The following LGR5 variants were observed in gnomAD, a reference collection of about 807,000 sequenced individuals.
LGR5 encodes the protein leucine-rich repeat-containing G protein-coupled receptor 5.
In LGR5, 54 loss-of-function variants were observed where a neutral mutation model predicts 76.7. The ratio of observed to expected loss-of-function variants is 0.70; its 90% CI spans 0.57 to 0.88. The LOEUF is 0.88. LGR5 is among the 40% of genes least tolerant of loss of function. LGR5 has a pLI of 0.00. For missense variants in LGR5, 1,078 were observed against 1,073.3 expected, an observed-to-expected ratio of 1.00 and a Z score of -0.06; for synonymous variants, 406 against 421.9, an observed-to-expected ratio of 0.96 and a Z score of 0.46.
chr12:71,496,290 G>C (rs773199850), intron 1 of LGR5, among the ~76,000 whole-genome samples: 2 of 145,650 alleles, frequency 1.4e-5, no homozygotes, highest in Non-Finnish European at 3.0e-5. Context: ...AGAATCACTT[G>C]AACCCAGGAG....
At chr12:71,517,979 C>T (rs1185609849) in intron 2 of LGR5, among the ~76,000 whole-genome samples, 1 of 152,084 alleles carries the variant, frequency 6.6e-6, no homozygotes, top group Non-Finnish European at 1.5e-5. Flanking sequence ...CACTTCATGC[C>T]ACCTCTGCCA....
chr12:71,479,095 T>C (rs34732813), intron 1 of LGR5, among the ~76,000 whole-genome samples: 17,142 of 152,266 alleles, frequency 0.11, 1,098 homozygotes, highest in African/African-American at 0.16. Flanking sequence ...TCTACATCTT[T>C]TACATTCAAC....
chr12:71,511,369 C>G (rs1875147444), intron 2 of LGR5, among the ~76,000 whole-genome samples: 1 of 152,074 alleles, frequency 6.6e-6, no homozygotes. Context: ...TTCATGTGCC[C>G]CCACCCCAAC....
chr12:71,439,498 T>A (rs1304299550), upstream of LGR5, among the ~76,000 whole-genome samples: 1 of 152,010 alleles, frequency 6.6e-6, no homozygotes, highest in Non-Finnish European at 1.5e-5. Context: ...GACTCTTAGA[T>A]CTGGGTCTCC....
chr12:71,440,393 G>A lies in LGR5; in HGVS notation c.212+101G>A, dbSNP rs951201050. The A allele has an allele frequency of 2.6e-6, 3 of 1,160,330 alleles. No homozygotes were observed. Among genetic ancestry groups the A allele is most frequent in the Non-Finnish European group, 3.8e-6 (3 of 798,944 alleles). 71.9% of individuals were successfully genotyped at this position (1,160,330 alleles called of 1,614,324 possible). On this transcript the variant is annotated intron_variant, in intron 1 of 17. Transcript: ENST00000266674. The surrounding 1 kb of genome is among the most constrained non-coding windows in gnomAD (Gnocchi z 5.3). ...CTCCTCGGCGCCCGCCTGCTCGTGGGGGAGGGGGGCGAGTTTGTCAAGGGC... is the reference window on the plus strand; with the variant it reads ...CTCCTCGGCGCCCGCCTGCTCGTGGAGGAGGGGGGCGAGTTTGTCAAGGGC...
intron 1 of LGR5, among the ~76,000 whole-genome samples, chr12:71,481,561 G>C (rs1465157967): frequency 6.6e-6 from 1 of 152,132 alleles, no homozygotes; most frequent in East Asian, 1.9e-4. Context: ...AAACATATGT[G>C]TGCGTGTGTC....
intron 8 of LGR5, among the ~76,000 whole-genome samples, chr12:71,562,070 C>CAGA (rs1878087619): frequency 6.6e-6 from 1 of 152,108 alleles, no homozygotes; most frequent in South Asian, 2.1e-4. Context: ...TTGGTATCTC[C>CAGA]AGATGTGCTA....
chr12:71,502,807 G>A (rs1030695881), intron 1 of LGR5, among the ~76,000 whole-genome samples: 8 of 152,140 alleles, frequency 5.3e-5, no homozygotes, highest in African/African-American at 1.9e-4. Context: ...TTGAAATAGG[G>A]TAACAAATAT....
intron 2 of LGR5, among the ~76,000 whole-genome samples, chr12:71,515,383 G>A (rs1280415657): frequency 2.0e-5 from 3 of 151,990 alleles, no homozygotes. Flanking sequence ...CTTTATTTAG[G>A]ACAATATTTT....
At chr12:71,474,583 G>A (rs1873247242) in intron 1 of LGR5, among the ~76,000 whole-genome samples, 1 of 152,144 alleles carries the variant, frequency 6.6e-6, no homozygotes, top group Non-Finnish European at 1.5e-5. Context: ...TTTATAAACG[G>A]ATGGTTTAGT....
At chr12:71,575,722 ATGTGTGTGTGTGTGTG>A (rs140264650) in intron 13 of LGR5, among the ~76,000 whole-genome samples, 1 of 144,862 alleles carries the variant, frequency 6.9e-6, no homozygotes, top group East Asian at 2.0e-4. Flanking sequence ...AAAAATATAT[ATGTGTGTGTGTGTGTG>A]TGTGTGTGTG....
Position 71,559,643 on chromosome 12 carries a change from C to A in LGR5, c.774C>A (p.Asn258Lys), listed in dbSNP as rs776534789. 10 of 1,534,366 alleles carry A rather than the reference C, an allele frequency of 6.5e-6. No homozygotes were observed. Among genetic ancestry groups the A allele is most frequent in the Non-Finnish European group, 8.1e-6 (9 of 1,108,808 alleles). ...EFPTAIRTLS[N>K]LKELGFHSNN... ...CCACTGCAATTAGGACACTCTCCAA[C>A]CTTAAAGAACTGTAAGTATTTAGGA... is the stretch of plus-strand genomic sequence containing the variant. Residue 258 changes from asparagine to lysine, a missense_variant, in exon 7 of 18, where the codon AAC becomes AAA. Asn to Lys is a moderately conservative substitution (Grantham distance 94). Transcript: ENST00000266674.
At chr12:71,525,068 C>T (rs1277561676) in intron 3 of LGR5, among the ~76,000 whole-genome samples, 1 of 151,970 alleles carries the variant, frequency 6.6e-6, no homozygotes, top group Non-Finnish European at 1.5e-5. Flanking sequence ...TTATTGAATA[C>T]TTCCTTCTTC....
chr12:71,474,925 G>C (rs1388779937), intron 1 of LGR5, among the ~76,000 whole-genome samples: 2 of 152,190 alleles, frequency 1.3e-5, no homozygotes, highest in Non-Finnish European at 2.9e-5. Flanking sequence ...GGGGTGTACA[G>C]ATGCAGAAGA....
intron 3 of LGR5, among the ~76,000 whole-genome samples, chr12:71,530,831 T>C (rs1246886853): frequency 6.6e-6 from 1 of 152,146 alleles, no homozygotes; most frequent in African/African-American, 2.4e-5. Flanking sequence ...TGTTCTCATG[T>C]AGACCCAGAA....
chr12:71,506,350 A>T (rs1874856103), intron 2 of LGR5, among the ~76,000 whole-genome samples: 1 of 152,122 alleles, frequency 6.6e-6, no homozygotes. Flanking sequence ...GAATCAATAA[A>T]TAATTCACTT....
At chr12:71,462,486 T>C (rs140804871) in intron 1 of LGR5, among the ~76,000 whole-genome samples, 3 of 152,286 alleles carry the variant, frequency 2.0e-5, no homozygotes, top group African/African-American at 7.2e-5. Flanking sequence ...GGATCCATTT[T>C]TCTAACCTAT....
At chr12:71,441,173 C>T (rs779910285) in intron 1 of LGR5, among the ~76,000 whole-genome samples, 48 of 152,076 alleles carry the variant, frequency 3.2e-4, no homozygotes, top group Non-Finnish European at 4.6e-4. Context: ...CCTGAGGCGG[C>T]GGCTCATTGC....
chr12:71,573,090 TA>T (rs1878689131), intron 13 of LGR5, 169 bp downstream of exon 13: 1 of 527,752 alleles, frequency 1.9e-6, no homozygotes, highest in African/African-American at 1.9e-5. Flanking sequence ...GGAATAAATC[TA>T]AAAGTAGTAA....
Sources: allele counts gnomAD v4.1 joint callset (sites outside exome capture counted in the v4.1 genomes callset), GRCh38; gene constraint gnomAD v4.1.1; non-coding constraint Gnocchi (gnomAD v3.1); transcripts MANE v1.5; gene names NCBI Gene and HGNC (gene_info 2026-07-23, HGNC 2026-07-21).